The following SYNE2 variants were observed in gnomAD, a reference collection of about 807,000 sequenced individuals.
SYNE2 encodes the protein spectrin repeat containing nuclear envelope protein 2, also known as nesprin-2.
SYNE2 carries 431 observed loss-of-function variants against 856.3 expected under a neutral mutation model. The observed-to-expected ratio is 0.50, with a 90% confidence interval of 0.47 to 0.55. The LOEUF (loss-of-function observed/expected upper bound fraction) is 0.55. Ranked by LOEUF, SYNE2 falls within the 20% of genes least tolerant of loss-of-function variation. SYNE2 has a pLI of 0.00. For synonymous variants in SYNE2, 2,923 were observed against 2,872.3 expected (o/e 1.02, Z -0.56); for missense variants, 8,129 against 8,023.2 (o/e 1.01, Z -0.50).
chr14:64,221,173 G>A (rs1301388589), intron 111 of SYNE2, among the ~76,000 whole-genome samples: 1 of 152,164 alleles, frequency 6.6e-6, no homozygotes, highest in Non-Finnish European at 1.5e-5. Flanking sequence ...TGTGAGCTCT[G>A]CACCACTGCC....
chr14:64,038,038 T>A (rs1186592157), intron 45 of SYNE2, among the ~76,000 whole-genome samples: 1 of 140,836 alleles, frequency 7.1e-6, no homozygotes, highest in Non-Finnish European at 1.6e-5. Flanking sequence ...GCTCCTCACT[T>A]CTCAGACGGG....
At chr14:64,084,834 T>C (rs1595410291) in intron 57 of SYNE2, 2 of 629,350 alleles carry the variant, frequency 3.2e-6, no homozygotes, top group African/African-American at 1.8e-5. Flanking sequence ...CTCATGAGAA[T>C]GCGGTCAAGG....
chr14:63,961,459 C>A, intron 8 of SYNE2, 66 bp from the exon 9 acceptor site: 2 of 1,336,358 alleles, frequency 1.5e-6, no homozygotes, highest in Non-Finnish European at 2.1e-6. Flanking sequence ...TATGGCATAG[C>A]CCATTCTTGA....
In SYNE2 at chr14:64,021,389, A is replaced by G. The variant is rs775982189; in HGVS notation, c.5226A>G (p.Ala1742=). The G allele has an allele frequency of 2.0e-5, 32 of 1,614,088 alleles. No individual in the cohort carries two copies. Among genetic ancestry groups the G allele is most frequent in the Non-Finnish European group, 2.5e-5 (30 of 1,180,046 alleles). The change falls in exon 36 of 116, where the codon GCA becomes GCG. Residue 1742 remains alanine, a synonymous_variant. Transcript: ENST00000555002. ...TAACAGGAGAATCCAACTGCCATGC[A>G]CTCAGTGGCAGCACTGCTGAGCTAA... The part of the protein sequence containing the change: ...KCLTGESNCH[A]LSGSTAELRE...
chr14:64,143,757 C>T lies in SYNE2; in HGVS notation c.15307-15C>T, dbSNP rs1329887273. The T allele has an allele frequency of 6.2e-7, 1 of 1,613,898 alleles. No individual in the cohort carries two copies. The highest frequency in any genetic ancestry group is 1.7e-5 in the Admixed American group (1 of 60,002). ...CATTCATGACTGCTTTGGTGTTTAA[C>T]TTTGCTTATTTTAGGAGTTTAGAAT... On this transcript the variant is annotated splice_polypyrimidine_tract_variant and intron_variant, in intron 82 of 115. Coordinates refer to ENST00000555002, the MANE Select transcript of SYNE2 (RefSeq NM_182914.3).
At chr14:64,178,607 C>A (rs1326650059) in intron 96 of SYNE2, among the ~76,000 whole-genome samples, 2 of 152,138 alleles carry the variant, frequency 1.3e-5, no homozygotes, top group Non-Finnish European at 2.9e-5. Context: ...TACAGGCATG[C>A]ACCGCCATGC....
intron 6 of SYNE2, among the ~76,000 whole-genome samples, chr14:63,947,168 C>T (rs1018468364): frequency 2.0e-5 from 3 of 151,970 alleles, no homozygotes; most frequent in Non-Finnish European, 2.9e-5. Flanking sequence ...TCTTTAACGA[C>T]CTCTTTTTAC....
chr14:64,046,385 G>A (rs1194157013), intron 45 of SYNE2, among the ~76,000 whole-genome samples: 1 of 152,152 alleles, frequency 6.6e-6, no homozygotes, highest in Admixed American at 6.5e-5. Flanking sequence ...TTTGAGCAGG[G>A]TCTGTCACCC....
rs1488797494 is a variant in SYNE2, at chr14:64,065,502, G to T, written c.10283G>T (p.Arg3428Ile). Residue 3428 changes from arginine (R) to isoleucine (I), a missense_variant, in exon 51 of 116, where the codon AGA becomes ATA. Transcript: ENST00000555002. ...CTACGACAGATCCTTAGACTCTTGA[G>T]ACTCAGGTGCACAGAAAATGATGGC... ...MKLRQILRLL[R>I]LRCTENDGIC... The T allele has an allele frequency of 1.2e-6, 2 of 1,613,966 alleles. No individual in the cohort carries two copies. Among genetic ancestry groups the T allele is most frequent in the Non-Finnish European group, 1.7e-6 (2 of 1,180,034 alleles).
At chr14:63,854,226 C>G (rs557633120) in intron 1 of SYNE2, among the ~76,000 whole-genome samples, 1 of 150,834 alleles carries the variant, frequency 6.6e-6, no homozygotes, top group South Asian at 2.1e-4. Context: ...TCTAGAAGTC[C>G]GAAGGCTTCG....
At chr14:63,814,669 C>G (rs1888781144) in intron 1 of SYNE2, among the ~76,000 whole-genome samples, 1 of 55,714 alleles carries the variant, frequency 1.8e-5, no homozygotes, top group East Asian at 3.8e-4. Context: ...TATATATATC[C>G]ATATATATCC....
intron 99 of SYNE2, among the ~76,000 whole-genome samples, chr14:64,199,713 CAAAAAAAAA>C (rs34710996): frequency 6.1e-5 from 4 of 66,060 alleles, no homozygotes; most frequent in Admixed American, 5.2e-4. Context: ...GACTCTGTCT[CAAAAAAAAA>C]AAAAAAAAAA....
chr14:64,082,871 C>T (rs2097534826), intron 57 of SYNE2, among the ~76,000 whole-genome samples: 1 of 152,178 alleles, frequency 6.6e-6, no homozygotes, highest in Admixed American at 6.5e-5. Flanking sequence ...CCCACGTGTC[C>T]ATGCTGGCTT....
chr14:63,839,718 A>G (rs1420064579), intron 1 of SYNE2, among the ~76,000 whole-genome samples: 4 of 152,156 alleles, frequency 2.6e-5, no homozygotes, highest in African/African-American at 9.7e-5. Context: ...AAAGATAGAT[A>G]GATAAATAAA....
intron 1 of SYNE2, among the ~76,000 whole-genome samples, chr14:63,874,383 C>T (rs900844048): frequency 3.9e-5 from 6 of 152,184 alleles, no homozygotes; most frequent in Non-Finnish European, 8.8e-5. Context: ...GCTCCACTGT[C>T]TCTGCTTCTC....
chr14:64,153,979 A>C (rs2098266031), intron 85 of SYNE2, among the ~76,000 whole-genome samples: 1 of 152,124 alleles, frequency 6.6e-6, no homozygotes, highest in Admixed American at 6.6e-5. Flanking sequence ...TCCACATGTA[A>C]AATAATGAAG....
chr14:64,159,221 G>A lies in SYNE2; in HGVS notation c.15964-91G>A. ...AGAGCTGTAAGATTTGAGTGTTATT[G>A]CTACATAGTAGCAAGTGTTGAGAAG... On this transcript the variant is annotated intron_variant, in intron 86 of 115. Coordinates refer to ENST00000555002, the MANE Select transcript of SYNE2 (RefSeq NM_182914.3). 3 of 1,528,132 alleles carry A rather than the reference G, an allele frequency of 2.0e-6. No homozygotes were observed. In the South Asian group the frequency reaches 3.4e-5, roughly 17 times the overall value. 94.7% of individuals were successfully genotyped at this position (1,528,132 alleles called of 1,614,324 possible).
At chr14:64,214,892 AC>A (rs2098658526) in intron 106 of SYNE2, among the ~76,000 whole-genome samples, 1 of 152,124 alleles carries the variant, frequency 6.6e-6, no homozygotes, top group South Asian at 2.1e-4. Flanking sequence ...GGTACACGCC[AC>A]CACACCCAGC....
chr14:63,763,046 C>T (rs1886546516), intron 1 of SYNE2, among the ~76,000 whole-genome samples: 1 of 152,222 alleles, frequency 6.6e-6, no homozygotes, highest in Non-Finnish European at 1.5e-5. Flanking sequence ...TGGCTCACTG[C>T]AACCTCTGCC....
Sources: allele counts gnomAD v4.1 joint callset (sites outside exome capture counted in the v4.1 genomes callset), GRCh38; gene constraint gnomAD v4.1.1; transcripts MANE v1.5; gene names NCBI Gene and HGNC (gene_info 2026-07-23, HGNC 2026-07-21).